EPHB1: variants seen among roughly 807,000 people sequenced by gnomAD.
EPHB1 encodes ephrin type-B receptor 1.
In EPHB1, 30 loss-of-function variants were observed where a neutral mutation model predicts 94.4. That is an observed-to-expected ratio of 0.32 (90% CI 0.24 to 0.43). The LOEUF is 0.43. Among genes scored for constraint, EPHB1 ranks in the 20% least tolerant of loss-of-function variants. The probability of loss-of-function intolerance (pLI) is 1.00; values close to 1 mark genes in which losing one functional copy is unlikely to be tolerated. For missense variants in EPHB1, 1,055 were observed against 1,308.3 expected (o/e 0.81, Z 2.99); for synonymous variants, 522 against 489.1 (o/e 1.07, Z -0.89).
chr3:134,904,784 A>T (rs898989943), intron 1 of EPHB1, among the ~76,000 whole-genome samples: 1 of 152,244 alleles, frequency 6.6e-6, no homozygotes, highest in East Asian at 1.9e-4. Context: ...AACTTTAAAC[A>T]TTCCTTCAAA....
chr3:135,027,387 C>A (rs1936225178), intron 3 of EPHB1, among the ~76,000 whole-genome samples: 1 of 144,502 alleles, frequency 6.9e-6, no homozygotes, highest in Non-Finnish European at 1.5e-5. Flanking sequence ...GAAATACGTC[C>A]CATCAATACC....
At chr3:135,241,097 T>A in intron 12 of EPHB1, 51 bp from the exon 13 acceptor site, 1 of 1,611,790 alleles carries the variant, frequency 6.2e-7, no homozygotes, top group Non-Finnish European at 8.5e-7. Context: ...ATTGCCTGCC[T>A]TCAATCAGAA....
chr3:135,134,084 C>A (rs1019214059), intron 5 of EPHB1, among the ~76,000 whole-genome samples: 1 of 152,242 alleles, frequency 6.6e-6, no homozygotes, highest in Admixed American at 6.5e-5. Flanking sequence ...TGAGCAATCT[C>A]TCTCCCGGGG....
Position 134,795,621 on chromosome 3 carries a change from G to T in EPHB1, c.-11G>T. On this transcript the variant is annotated 5_prime_UTR_variant, in exon 1 of 16. Coordinates refer to ENST00000398015, the MANE Select transcript of EPHB1 (RefSeq NM_004441.5). Reference sequence around the variant, plus strand: ...TCGGCTTGGTCTCGGCCTGCGGGCCGTCGGCCGGCGATGGCCCTGGATTAT... The same window carrying T: ...TCGGCTTGGTCTCGGCCTGCGGGCCTTCGGCCGGCGATGGCCCTGGATTAT... The T allele has an allele frequency of 6.2e-7, 1 of 1,602,814 alleles. No homozygotes were observed.
chr3:135,259,116 C>T lies in EPHB1; in HGVS notation c.2951C>T (p.Ala984Val). 1.2e-6 allele frequency: 2 copies of T among 1,605,072 alleles called. No homozygotes were observed. Among genetic ancestry groups the T allele is most frequent in the Non-Finnish European group, 1.7e-6 (2 of 1,175,484 alleles). ...VQISQSPTAM[A>V] ...ATAAGTCAGTCACCAACGGCAATGG[C>T]ATGAGAACTCTTGTTTCTTGGGGAA... The change falls in exon 16 of 16, where the codon GCA (alanine) becomes GTA (valine). Residue 984 changes from alanine to valine, a missense_variant. By Grantham distance (64) the Ala-to-Val change is moderately conservative. Transcript: ENST00000398015.
intron 3 of EPHB1, among the ~76,000 whole-genome samples, chr3:135,064,759 T>A (rs372307535): frequency 2.0e-4 from 31 of 152,268 alleles, no homozygotes; most frequent in Middle Eastern, 3.4e-3. Flanking sequence ...GGGTTTAGTT[T>A]GTTCTTATTT....
intron 1 of EPHB1, among the ~76,000 whole-genome samples, chr3:134,821,879 T>G (rs2036388252): frequency 6.6e-6 from 1 of 152,088 alleles, no homozygotes; most frequent in African/African-American, 2.4e-5. Context: ...TTGGTCTAGT[T>G]GTGGGGGAAA....
At chr3:135,225,829 C>T (rs1156823053) in intron 12 of EPHB1, among the ~76,000 whole-genome samples, 1 of 151,796 alleles carries the variant, frequency 6.6e-6, no homozygotes, top group Non-Finnish European at 1.5e-5. Flanking sequence ...TACTGTAAAC[C>T]GTAGGCCCAA....
At chr3:135,221,766 C>T (rs1025186176) in intron 12 of EPHB1, among the ~76,000 whole-genome samples, 2 of 152,072 alleles carry the variant, frequency 1.3e-5, no homozygotes, top group Non-Finnish European at 2.9e-5. Context: ...ACTACTGTAA[C>T]GATGGAAGGA....
chr3:134,851,580 G>C (rs984005838), intron 1 of EPHB1, among the ~76,000 whole-genome samples: 1 of 152,240 alleles, frequency 6.6e-6, no homozygotes, highest in African/African-American at 2.4e-5. Flanking sequence ...GGCCTCTGCA[G>C]TCTTGTTCCT....
At chr3:135,251,920 A>ACTT (rs1559892717) in intron 15 of EPHB1, among the ~76,000 whole-genome samples, 1 of 152,190 alleles carries the variant, frequency 6.6e-6, no homozygotes, top group African/African-American at 2.4e-5. Flanking sequence ...CTGAGAACCA[A>ACTT]CTTCTCTTGT....
chr3:134,909,105 A>C, intron 1 of EPHB1, among the ~76,000 whole-genome samples: 1 of 95,698 alleles, frequency 1.0e-5, no homozygotes, highest in Non-Finnish European at 1.9e-5. Context: ...CAGTACACAC[A>C]AGGTGGGGGC....
Position 135,132,662 on chromosome 3 carries a change from G to C in EPHB1, c.962-52G>C, listed in dbSNP as rs746287954. The stretch of plus-strand genomic sequence containing the variant: ...ACCAGAGGCAGACAAGAGAGCTGCC[G>C]GACAAGGAAGCTTATGTCTAGCCTC... On this transcript the variant is annotated intron_variant, in intron 4 of 15. Transcript: ENST00000398015. 16 of 1,477,194 alleles carry C rather than the reference G, an allele frequency of 1.1e-5. No individual in the cohort carries two copies. The Admixed American group carries it at 3.5e-4, about 32-fold the overall frequency. The allele number at this position is 1,477,194 out of a possible 1,614,324, so 91.5% of individuals were successfully genotyped here.
chr3:134,897,068 G>A (rs1475103370), intron 1 of EPHB1, among the ~76,000 whole-genome samples: 1 of 152,242 alleles, frequency 6.6e-6, no homozygotes, highest in Non-Finnish European at 1.5e-5. Context: ...AGAGGGCAGA[G>A]GTGATCCATG....
chr3:134,905,345 T>C (rs187586), intron 1 of EPHB1, among the ~76,000 whole-genome samples: 118,649 of 152,142 alleles, frequency 0.78, 46,845 homozygotes, highest in East Asian at 0.92. Context: ...CCAAACTGAT[T>C]GTGGAGTGTG....
At chr3:134,807,886 C>T (rs73227047) in intron 1 of EPHB1, among the ~76,000 whole-genome samples, 16,619 of 152,136 alleles carry the variant, frequency 0.11, 1,004 homozygotes, top group Middle Eastern at 0.18. Context: ...AAATGAGACA[C>T]AGAGAAATGC....
intron 9 of EPHB1, among the ~76,000 whole-genome samples, chr3:135,178,774 T>G (rs546695615): frequency 9.2e-5 from 14 of 152,210 alleles, no homozygotes; most frequent in African/African-American, 3.4e-4. Flanking sequence ...GCAGTGTGGC[T>G]TTTTTAGGCC....
intron 10 of EPHB1, among the ~76,000 whole-genome samples, chr3:135,182,108 A>G (rs1942170736): frequency 6.6e-6 from 1 of 152,158 alleles, no homozygotes; most frequent in Admixed American, 6.6e-5. Flanking sequence ...CCTGCAGGGA[A>G]CCAATTTTTC....
At chr3:134,904,019 C>T (rs528156804) in intron 1 of EPHB1, among the ~76,000 whole-genome samples, 20 of 152,266 alleles carry the variant, frequency 1.3e-4, no homozygotes, top group South Asian at 2.1e-4. Context: ...AGGCAAGCAC[C>T]GGGGGCCTTT....
Sources: gnomAD v4.1 joint callset for allele counts (sites outside exome capture counted in the v4.1 genomes callset) on GRCh38, gnomAD v4.1.1 for gene constraint, MANE v1.5 for transcripts, NCBI Gene and HGNC (gene_info 2026-07-23, HGNC 2026-07-21) for gene names.